PLEKHO1: variants seen among roughly 807,000 people sequenced by gnomAD.
PLEKHO1 encodes the protein pleckstrin homology domain containing O1, also known as pleckstrin homology domain-containing family O member 1.
In PLEKHO1, 22 loss-of-function variants were observed where a neutral mutation model predicts 41.4. That is an observed-to-expected ratio of 0.53 (90% CI 0.38 to 0.76). PLEKHO1 has a LOEUF of 0.76. Ranked by LOEUF, PLEKHO1 falls within the 30% of genes least tolerant of loss-of-function variation. PLEKHO1 has a pLI of 0.00. For synonymous variants in PLEKHO1, 225 were observed against 210.8 expected (o/e 1.07, Z -0.58); for missense variants, 488 against 518.3 (o/e 0.94, Z 0.57).
intron 3 of PLEKHO1, among the ~76,000 whole-genome samples, chr1:150,156,652 T>C (rs587763142): frequency 2.0e-5 from 3 of 152,340 alleles, no homozygotes; most frequent in East Asian, 1.9e-4. Context: ...AGACTTCCTC[T>C]AATTATCTCT....
chr1:150,150,408 C>T (rs1275326013), intron 1 of PLEKHO1, 121 bp downstream of exon 1: 42 of 336,728 alleles, frequency 1.2e-4, no homozygotes, highest in Non-Finnish European at 1.7e-4. Context: ...CCCGGCGGCC[C>T]GGTCCCCTCG....
chr1:150,158,802 C>T lies in PLEKHO1; in HGVS notation c.526-17C>T. 6.5e-7 allele frequency: 1 copy of T among 1,550,086 alleles called. No homozygotes were observed. Among genetic ancestry groups the T allele is most frequent in the Non-Finnish European group, 8.8e-7 (1 of 1,132,086 alleles). On this transcript the variant is annotated splice_polypyrimidine_tract_variant and intron_variant, in intron 5 of 5. Transcript: ENST00000369124. ...CCTGATGACAGGTTCCCCACTCATT[C>T]CCCCCTTCCTCCACAGGCTTCCACC...
In PLEKHO1 at chr1:150,158,880, C is replaced by T. The variant is rs781937630; in HGVS notation, c.587C>T (p.Ser196Phe). 4.3e-6 allele frequency: 7 copies of T among 1,613,964 alleles called. No homozygotes were observed. The highest frequency in any genetic ancestry group is 1.7e-5 in the Admixed American group (1 of 60,000). ...GACTTGATCCAAGAGGAAGACCCTT[C>T]CCCTGAGGAACCAACCTCTTGTGCT... ...TLDLIQEEDP[S>F]PEEPTSCAES... Residue 196 changes from serine to phenylalanine, a missense_variant, in exon 6 of 6, where the codon TCC becomes TTC. Ser to Phe is a radical substitution (Grantham distance 155). Transcript: ENST00000369124.
chr1:150,156,826 G>GA, intron 3 of PLEKHO1, 85 bp from the exon 4 acceptor site: 2 of 830,122 alleles, frequency 2.4e-6, no homozygotes, highest in Non-Finnish European at 4.2e-6. Flanking sequence ...CTAAGAAAGT[G>GA]AGATTATAAT....
rs1559961589 is a variant in PLEKHO1, at chr1:150,156,093, G to A, written c.205G>A (p.Val69Ile). The change falls in exon 3 of 6, where the codon GTA becomes ATA. Residue 69 changes from valine to isoleucine, a missense_variant. This residue lies in a region of PLEKHO1 where 92 missense variants were observed against 82.3 expected (regional missense o/e 1.12). Transcript: ENST00000369124. The part of the protein sequence containing the change: ...EVKDEKNIQE[V>I]FDLSDYEKCE... ...AAAAGATGAGAAAAATATTCAAGAGGTATTTGACCTGAGTGACTATGAGAA... is the reference window on the plus strand; with the variant it reads ...AAAAGATGAGAAAAATATTCAAGAGATATTTGACCTGAGTGACTATGAGAA... 6.2e-7 allele frequency: 1 copy of A among 1,613,482 alleles called. No individual in the cohort carries two copies.
chr1:150,151,828 A>G (rs1288936669), intron 2 of PLEKHO1, among the ~76,000 whole-genome samples: 5 of 152,186 alleles, frequency 3.3e-5, no homozygotes, highest in Non-Finnish European at 7.3e-5. Flanking sequence ...ATCCAGACCC[A>G]TCTCCCTTTT....
chr1:150,157,887 C>CAG (rs1316275844), intron 5 of PLEKHO1, among the ~76,000 whole-genome samples: 3 of 151,972 alleles, frequency 2.0e-5, no homozygotes, highest in African/African-American at 7.3e-5. Flanking sequence ...CTTAAGTCTT[C>CAG]AGAGAGAGAG....
chr1:150,159,211 C>G lies in PLEKHO1; in HGVS notation c.918C>G (p.Ser306=), dbSNP rs1460578232. Residue 306 remains serine (S), a synonymous_variant, in exon 6 of 6, where the codon TCC becomes TCG. Coordinates refer to ENST00000369124, the MANE Select transcript of PLEKHO1 (RefSeq NM_016274.6). The part of the protein sequence containing the change: ...TPALPNPGQL[S]RIQDLVARKL... Reference sequence around the variant, plus strand: ...CCCTCCCCAACCCGGGGCAGCTGTCCCGGATCCAGGACCTGGTAGCAAGGA... The same window carrying G: ...CCCTCCCCAACCCGGGGCAGCTGTCGCGGATCCAGGACCTGGTAGCAAGGA... 1 of 1,614,078 alleles carries G rather than the reference C, an allele frequency of 6.2e-7. No individual in the cohort carries two copies. The highest frequency in any genetic ancestry group is 8.5e-7 in the Non-Finnish European group (1 of 1,179,982).
chr1:150,152,339 G>T (rs1399917993), intron 2 of PLEKHO1, among the ~76,000 whole-genome samples: 1 of 152,160 alleles, frequency 6.6e-6, no homozygotes, highest in Admixed American at 6.6e-5. Context: ...TTCTTGGTCT[G>T]TCATCCAGGC....
chr1:150,157,317 C>T, intron 4 of PLEKHO1, 68 bp from the exon 5 acceptor site: 1 of 1,169,642 alleles, frequency 8.5e-7, no homozygotes, highest in Non-Finnish European at 1.3e-6. Flanking sequence ...CATGTTCAGG[C>T]CTCGGGATGC....
upstream of PLEKHO1, chr1:150,149,706 C>G (rs889914314): frequency 6.6e-6 from 1 of 152,072 alleles, no homozygotes. Context: ...CCGCGTGTCG[C>G]CCGAGCCGCC....
At chr1:150,151,266 A>G (rs776665208) in intron 2 of PLEKHO1, among the ~76,000 whole-genome samples, 4 of 152,154 alleles carry the variant, frequency 2.6e-5, no homozygotes, top group Non-Finnish European at 5.9e-5. Flanking sequence ...CCGCTTACTC[A>G]GTGTTTTTTT....
rs1392730127 is a variant in PLEKHO1 at position 150,150,826 on chromosome 1, C to T, written c.31-86C>T. On this transcript the variant is annotated intron_variant, in intron 1 of 5. Transcript: ENST00000369124. ...CCGCAGCCTTCGGAGGAGACTGGGC[C>T]GCCGAGGCGGTCGTGAGAGACGGAC... is the stretch of plus-strand genomic sequence containing the variant. 23 of 1,313,044 alleles carry T rather than the reference C, an allele frequency of 1.8e-5. No individual in the cohort carries two copies. In the South Asian group the frequency reaches 2.1e-4, roughly 12 times the overall value. The allele number at this position is 1,313,044 out of a possible 1,614,324, so 81.3% of individuals were successfully genotyped here.
chr1:150,156,437 T>C lies in PLEKHO1; in HGVS notation c.318+231T>C, dbSNP rs114864099. 5.7e-3 allele frequency among the ~76,000 whole-genome samples: 864 copies of C among 152,342 alleles called. 5 individuals carry two copies. The highest frequency in any genetic ancestry group is 0.02 in the African/African-American group (820 of 41,572). On this transcript the variant is annotated intron_variant, in intron 3 of 5. Coordinates refer to ENST00000369124, the MANE Select transcript of PLEKHO1 (RefSeq NM_016274.6). The stretch of plus-strand genomic sequence containing the variant: ...AAAGATCATCTCTCTATATATCTCT[T>C]TATTTTTCTCTGTCTTATACACACA...
intron 2 of PLEKHO1, chr1:150,154,354 C>T (rs1179451282): frequency 1.3e-5 from 2 of 152,264 alleles, no homozygotes; most frequent in East Asian, 3.8e-4. Flanking sequence ...GGCCTCTGGC[C>T]ACTTTCCAGC....
chr1:150,150,796 C>T (rs1659880240), intron 1 of PLEKHO1, 116 bp from the exon 2 acceptor site: 4 of 957,290 alleles, frequency 4.2e-6, no homozygotes, highest in Non-Finnish European at 6.3e-6. Flanking sequence ...CCCCCCGCCC[C>T]CCGGCCGCAG....
chr1:150,152,218 T>G (rs2101683936), intron 2 of PLEKHO1, among the ~76,000 whole-genome samples: 1 of 152,296 alleles, frequency 6.6e-6, no homozygotes, highest in East Asian at 1.9e-4. Context: ...AGGGAAGAAC[T>G]AAGCTGTGCC....
At chr1:150,150,543 C>T (rs1175998433) in intron 1 of PLEKHO1, 5 of 167,364 alleles carry the variant, frequency 3.0e-5, no homozygotes, top group Non-Finnish European at 5.1e-5. Flanking sequence ...CGAGCGTTTG[C>T]CTCGCGCTCC....
intron 2 of PLEKHO1, among the ~76,000 whole-genome samples, chr1:150,153,313 G>A (rs782709884): frequency 7.2e-5 from 11 of 152,034 alleles, no homozygotes; most frequent in Non-Finnish European, 1.3e-4. Context: ...TCAGCCTCCG[G>A]AGTAGCTGGG....
Sources: allele counts gnomAD v4.1 joint callset (sites outside exome capture counted in the v4.1 genomes callset), GRCh38; gene constraint gnomAD v4.1.1; regional missense constraint gnomAD v4.1.1; transcripts MANE v1.5; gene names NCBI Gene and HGNC (gene_info 2026-07-23, HGNC 2026-07-21).